The following NKAIN3 variants were observed in gnomAD, a reference collection of about 807,000 sequenced individuals.
The protein encoded by NKAIN3 is sodium/potassium transporting ATPase interacting 3.
Under a neutral mutation model 30.2 loss-of-function variants are expected in NKAIN3, and 25 were observed. That is an observed-to-expected ratio of 0.83 (90% confidence interval 0.60 to 1.16). The LOEUF (loss-of-function observed/expected upper bound fraction) is 1.16. NKAIN3 is among the 50% of genes most tolerant of loss of function. The probability of loss-of-function intolerance (pLI) is 0.00; values close to 1 mark genes in which losing one functional copy is unlikely to be tolerated. For synonymous variants in NKAIN3, 91 were observed against 89.6 expected, an observed-to-expected ratio of 1.02 and a Z score of -0.09; for missense variants, 225 against 254.1, an observed-to-expected ratio of 0.89 and a Z score of 0.78.
chr8:62,988,377 A>C (rs1231443760), downstream of NKAIN3, among the ~76,000 whole-genome samples: 1 of 152,244 alleles, frequency 6.6e-6, no homozygotes, highest in Non-Finnish European at 1.5e-5. Context: ...GCCCTAGCAG[A>C]GGGTCTCCAT....
intron 3 of NKAIN3, among the ~76,000 whole-genome samples, chr8:62,684,441 C>G (rs1041607149): frequency 6.6e-6 from 1 of 152,156 alleles, no homozygotes; most frequent in Non-Finnish European, 1.5e-5. Flanking sequence ...CTTCCCTTTC[C>G]ATGTCACCTT....
intron 4 of NKAIN3, among the ~76,000 whole-genome samples, chr8:62,843,525 C>T (rs10088974): frequency 0.021 from 3,184 of 151,514 alleles, 46 homozygotes; most frequent in Non-Finnish European, 0.032. Context: ...TTAGTAAAGA[C>T]GGTTTCACCA....
intron 3 of NKAIN3, among the ~76,000 whole-genome samples, chr8:62,720,045 CT>C (rs1224703433): frequency 2.0e-5 from 3 of 152,090 alleles, no homozygotes; most frequent in African/African-American, 7.2e-5. Context: ...GCGTGAGCCA[CT>C]GCGCCGGGCC....
intron 3 of NKAIN3, among the ~76,000 whole-genome samples, chr8:62,686,409 A>G (rs1289134093): frequency 6.6e-6 from 1 of 152,064 alleles, no homozygotes; most frequent in Non-Finnish European, 1.5e-5. Flanking sequence ...TGTCTGCTTC[A>G]CAAAGGACTC....
At chr8:62,663,210 T>A (rs141215396) in intron 3 of NKAIN3, among the ~76,000 whole-genome samples, 12 of 152,296 alleles carry the variant, frequency 7.9e-5, no homozygotes, top group Admixed American at 7.8e-4. Context: ...TTGGATATCA[T>A]ATTGAGTTTA....
intron 1 of NKAIN3, among the ~76,000 whole-genome samples, chr8:62,377,696 A>C (rs1817133883): frequency 6.6e-6 from 1 of 152,094 alleles, no homozygotes; most frequent in Non-Finnish European, 1.5e-5. Context: ...GTGAGTTCTC[A>C]TGAGATCTGA....
chr8:62,696,359 C>A (rs1408070154), intron 3 of NKAIN3, among the ~76,000 whole-genome samples: 1 of 152,124 alleles, frequency 6.6e-6, no homozygotes. Flanking sequence ...TGACTTAATG[C>A]TCCCTGAAGA....
At chr8:62,364,290 G>A (rs370280949) in intron 1 of NKAIN3, among the ~76,000 whole-genome samples, 6 of 152,158 alleles carry the variant, frequency 3.9e-5, no homozygotes, top group African/African-American at 1.4e-4. Flanking sequence ...GTCAGGACTT[G>A]TAGTAATGTC....
At chr8:62,826,078 T>C (rs1819012293) in intron 4 of NKAIN3, among the ~76,000 whole-genome samples, 1 of 152,220 alleles carries the variant, frequency 6.6e-6, no homozygotes, top group Non-Finnish European at 1.5e-5. Flanking sequence ...TCACGTACTC[T>C]ACACCCTTCT....
chr8:62,478,008 G>A (rs115045141), intron 1 of NKAIN3, among the ~76,000 whole-genome samples: 1,819 of 152,182 alleles, frequency 0.012, 49 homozygotes, highest in African/African-American at 0.042. Context: ...GCTCACTTCC[G>A]TCTGTTCTTA....
intron 4 of NKAIN3, among the ~76,000 whole-genome samples, chr8:62,748,534 G>A (rs1361210390): frequency 6.6e-6 from 1 of 152,136 alleles, no homozygotes; most frequent in Non-Finnish European, 1.5e-5. Flanking sequence ...AAGACAAGGA[G>A]GCATGGCTCT....
At chr8:62,331,961 G>A (rs1303501160) in intron 1 of NKAIN3, among the ~76,000 whole-genome samples, 2 of 151,998 alleles carry the variant, frequency 1.3e-5, no homozygotes, top group African/African-American at 4.8e-5. Flanking sequence ...AGAAGACCTG[G>A]GCAGAAATAT....
In NKAIN3 at chr8:62,913,395, C is replaced by A. The variant is rs554043735; in HGVS notation, c.472-5058C>A. Among the ~76,000 whole-genome samples, 7 of 152,248 alleles carry A rather than the reference C, an allele frequency of 4.6e-5. No homozygotes were observed. In the South Asian group the frequency reaches 6.2e-4, roughly 14 times the overall value. ...CTACAATGTCAATAGGAATTTTCAG[C>A]CCCATTATAATTTCATAAGACCACC... On this transcript the variant is annotated intron_variant, in intron 4 of 6. Coordinates refer to ENST00000623646, the MANE Select transcript of NKAIN3 (RefSeq NM_001304533.3).
chr8:62,513,654 G>A (rs1807882631), intron 1 of NKAIN3, among the ~76,000 whole-genome samples: 1 of 151,890 alleles, frequency 6.6e-6, no homozygotes, highest in African/African-American at 2.4e-5. Flanking sequence ...AGATACTTGA[G>A]CCAAGGAGTT....
At chr8:62,843,527 G>A (rs1031854792) in intron 4 of NKAIN3, among the ~76,000 whole-genome samples, 1 of 151,546 alleles carries the variant, frequency 6.6e-6, no homozygotes, top group African/African-American at 2.4e-5. Context: ...AGTAAAGACG[G>A]TTTCACCATG....
intron 1 of NKAIN3, among the ~76,000 whole-genome samples, chr8:62,253,161 G>T (rs1403511824): frequency 6.6e-6 from 1 of 152,106 alleles, no homozygotes; most frequent in African/African-American, 2.4e-5. Flanking sequence ...ATTACTATTA[G>T]ACCTAGGAAT....
intron 3 of NKAIN3, among the ~76,000 whole-genome samples, chr8:62,674,140 A>G (rs1342327137): frequency 6.6e-6 from 1 of 152,180 alleles, no homozygotes; most frequent in Non-Finnish European, 1.5e-5. Context: ...AAACACACAC[A>G]AATGCCTGCA....
chr8:62,386,157 A>ACC (rs1363052308), intron 1 of NKAIN3, among the ~76,000 whole-genome samples: 2 of 152,108 alleles, frequency 1.3e-5, no homozygotes, highest in Non-Finnish European at 2.9e-5. Context: ...CACTTGGACA[A>ACC]CCCCCAGAAT....
chr8:62,754,743 T>C (rs1044326020), intron 4 of NKAIN3, among the ~76,000 whole-genome samples: 1 of 152,174 alleles, frequency 6.6e-6, no homozygotes, highest in Admixed American at 6.6e-5. Flanking sequence ...TAAAACTTAA[T>C]AGAGAAGGGT....
Sources: gnomAD v4.1 joint callset for allele counts (sites outside exome capture counted in the v4.1 genomes callset) on GRCh38, gnomAD v4.1.1 for gene constraint, MANE v1.5 for transcripts, NCBI Gene and HGNC (gene_info 2026-07-23, HGNC 2026-07-21) for gene names.